Variants in KCNIP4 observed in about 807,000 individuals in gnomAD.
KCNIP4 encodes the protein Kv channel-interacting protein 4.
A neutral mutation model predicts 34.0 loss-of-function variants in KCNIP4; 12 were observed. That is an observed-to-expected ratio of 0.35 (90% CI 0.23 to 0.57). The LOEUF (loss-of-function observed/expected upper bound fraction) is 0.57. Ranked by LOEUF, KCNIP4 falls within the 20% of genes least tolerant of loss-of-function variation. The pLI, the probability that KCNIP4 is intolerant of heterozygous loss-of-function variation, is 0.83. For synonymous variants in KCNIP4, 124 were observed against 102.2 expected (o/e 1.21, Z -1.29); for missense variants, 238 against 311.7 (o/e 0.76, Z 1.78).
At chr4:21,735,810 T>G (rs898656930) in intron 1 of KCNIP4, among the ~76,000 whole-genome samples, 1 of 152,152 alleles carries the variant, frequency 6.6e-6, no homozygotes, top group African/African-American at 2.4e-5. Context: ...TAGAAACACC[T>G]TTGAAGTTAT....
chr4:21,143,193 T>C (rs1002001322), intron 1 of KCNIP4, among the ~76,000 whole-genome samples: 1 of 152,130 alleles, frequency 6.6e-6, no homozygotes, highest in Non-Finnish European at 1.5e-5. Flanking sequence ...ATTATCTACA[T>C]AAACTTAATC....
chr4:20,736,734 T>C (rs1286135514), intron 5 of KCNIP4, among the ~76,000 whole-genome samples: 1 of 152,200 alleles, frequency 6.6e-6, no homozygotes, highest in Non-Finnish European at 1.5e-5. Context: ...TATACAACCC[T>C]TCCACTTAAG....
chr4:21,385,430 G>A (rs893196035), intron 1 of KCNIP4, among the ~76,000 whole-genome samples: 4 of 152,092 alleles, frequency 2.6e-5, no homozygotes, highest in African/African-American at 7.2e-5. Flanking sequence ...ATAGTACAAT[G>A]GTTAGGACTG....
At chr4:21,852,638 G>A (rs1724483131) in intron 1 of KCNIP4, 1 of 152,126 alleles carries the variant, frequency 6.6e-6, no homozygotes, top group Non-Finnish European at 1.5e-5. Context: ...GTCCTATGGG[G>A]TGAGCCCACA....
At chr4:21,395,669 T>C (rs1052239557) in intron 1 of KCNIP4, among the ~76,000 whole-genome samples, 1 of 152,188 alleles carries the variant, frequency 6.6e-6, no homozygotes, top group African/African-American at 2.4e-5. Flanking sequence ...GTATATTTTA[T>C]TTAAAAATGT....
chr4:21,263,968 C>CGTGTGT (rs375296925), intron 1 of KCNIP4, among the ~76,000 whole-genome samples: 2,204 of 148,294 alleles, frequency 0.015, 25 homozygotes, highest in South Asian at 0.026. Flanking sequence ...TATATATATA[C>CGTGTGT]GTGTGTGTGT....
chr4:21,577,996 GC>G (rs1265929247), intron 1 of KCNIP4, among the ~76,000 whole-genome samples: 1 of 152,080 alleles, frequency 6.6e-6, no homozygotes, highest in African/African-American at 2.4e-5. Flanking sequence ...CATTTTAGAA[GC>G]AAGAAAAACT....
intron 1 of KCNIP4, among the ~76,000 whole-genome samples, chr4:21,475,774 A>G (rs541603632): frequency 6.6e-6 from 1 of 152,326 alleles, no homozygotes; most frequent in South Asian, 2.1e-4. Flanking sequence ...CCATTTCTAG[A>G]GTGACTTCTG....
chr4:21,887,380 T>C (rs1012008469), intron 1 of KCNIP4, among the ~76,000 whole-genome samples: 4 of 152,086 alleles, frequency 2.6e-5, no homozygotes, highest in African/African-American at 4.8e-5. Context: ...TGGTATCTTC[T>C]TACAAGGACA....
chr4:21,722,885 G>T (rs1714922293), intron 1 of KCNIP4, among the ~76,000 whole-genome samples: 1 of 152,044 alleles, frequency 6.6e-6, no homozygotes, highest in African/African-American at 2.4e-5. Context: ...ATATGCATTG[G>T]CAATTCAGTA....
At chr4:21,890,455 A>C (rs2109400615) in intron 1 of KCNIP4, among the ~76,000 whole-genome samples, 1 of 152,256 alleles carries the variant, frequency 6.6e-6, no homozygotes, top group Non-Finnish European at 1.5e-5. Context: ...AAGAGCCTAA[A>C]GACCAATTTT....
chr4:21,470,439 T>C (rs1428594647), intron 1 of KCNIP4, among the ~76,000 whole-genome samples: 4 of 151,204 alleles, frequency 2.6e-5, no homozygotes, highest in Non-Finnish European at 5.9e-5. Flanking sequence ...ACAATAATCT[T>C]GTAACATGCT....
At chr4:21,505,006 T>C (rs1733711098) in intron 1 of KCNIP4, among the ~76,000 whole-genome samples, 1 of 152,214 alleles carries the variant, frequency 6.6e-6, no homozygotes, top group Admixed American at 6.5e-5. Context: ...CTAAAATTTT[T>C]ACTTTAAAAG....
chr4:21,308,884 T>TC (rs1712801532), intron 1 of KCNIP4, among the ~76,000 whole-genome samples: 1 of 152,076 alleles, frequency 6.6e-6, no homozygotes, highest in Admixed American at 6.6e-5. Context: ...AGAAGTTTCT[T>TC]CAAAGCAATT....
At chr4:20,919,753 GC>G (rs1419860840) in intron 1 of KCNIP4, among the ~76,000 whole-genome samples, 73 of 151,824 alleles carry the variant, frequency 4.8e-4, no homozygotes, top group African/African-American at 1.6e-3. Context: ...ATATTGTTTG[GC>G]GGGGGGGAGT....
chr4:21,635,527 C>T, intron 1 of KCNIP4, among the ~76,000 whole-genome samples: 1 of 152,070 alleles, frequency 6.6e-6, no homozygotes, highest in East Asian at 1.9e-4. Flanking sequence ...AGCCAAAAAA[C>T]ACATGAAAAA....
chr4:21,168,623 G>T (rs1318357207), intron 1 of KCNIP4, among the ~76,000 whole-genome samples: 1 of 152,080 alleles, frequency 6.6e-6, no homozygotes, highest in African/African-American at 2.4e-5. Context: ...TTTCAGAAAA[G>T]AACTCAACAA....
chr4:21,759,678 G>C (rs186674935), intron 1 of KCNIP4, among the ~76,000 whole-genome samples: 122 of 152,130 alleles, frequency 8.0e-4, no homozygotes, highest in Non-Finnish European at 1.0e-3. Flanking sequence ...TCTCAATTCC[G>C]ACCTGACTTC....
intron 1 of KCNIP4, chr4:21,851,442 A>T (rs1266964949): frequency 6.6e-6 from 1 of 152,176 alleles, no homozygotes; most frequent in Non-Finnish European, 1.5e-5. Context: ...AGGGATGAGA[A>T]ATTACTTAAT....
Sources: gnomAD v4.1 joint callset for allele counts (sites outside exome capture counted in the v4.1 genomes callset) on GRCh38, gnomAD v4.1.1 for gene constraint, MANE v1.5 for transcripts, NCBI Gene and HGNC (gene_info 2026-07-23, HGNC 2026-07-21) for gene names.